The following LANCL3 variants were observed in gnomAD, a reference collection of about 807,000 sequenced individuals.
The protein encoded by LANCL3 is LanC like family member 3, also known as lanC-like protein 3.
Under a neutral mutation model 26.5 loss-of-function variants are expected in LANCL3, and 19 were observed. The ratio of observed to expected loss-of-function variants is 0.72; its 90% CI spans 0.50 to 1.05. LANCL3 has a LOEUF of 1.05. Among genes scored for constraint, LANCL3 ranks in the 50% least tolerant of loss-of-function variants. LANCL3 has a pLI of 0.00. For missense variants in LANCL3, 318 were observed against 362.7 expected, an observed-to-expected ratio of 0.88 and a Z score of 1.00; for synonymous variants, 160 against 166.6, an observed-to-expected ratio of 0.96 and a Z score of 0.30.
intron 1 of LANCL3, among the ~76,000 whole-genome samples, chrX:37,633,281 G>C (rs1416638194): frequency 9.1e-6 from 1 of 110,487 alleles, no homozygotes; most frequent in Non-Finnish European, 1.9e-5. Flanking sequence ...TCTTCACTTA[G>C]TTCTCGAGCC....
At chrX:37,594,623 G>A (rs1347305492) in intron 1 of LANCL3, among the ~76,000 whole-genome samples, 1 of 112,098 alleles carries the variant, frequency 8.9e-6, no homozygotes, top group Non-Finnish European at 1.9e-5. Context: ...CCTTGGGCTG[G>A]TAGTATCATT....
At chrX:37,655,612 C>A in intron 1 of LANCL3, 76 bp from the exon 2 acceptor site, 1 of 932,917 alleles carries the variant, frequency 1.1e-6, no homozygotes, top group Non-Finnish European at 1.5e-6. Flanking sequence ...TGCTAGACTT[C>A]TTAAGCAAGA....
chrX:37,650,495 T>C (rs1380541151), intron 1 of LANCL3, among the ~76,000 whole-genome samples: 3 of 102,617 alleles, frequency 2.9e-5, no homozygotes, highest in Non-Finnish European at 5.9e-5. Flanking sequence ...TTTATATTCA[T>C]ATCTATTCTA....
At chrX:37,656,259 AAG>A (rs1491029783) in intron 2 of LANCL3, among the ~76,000 whole-genome samples, 3 of 110,805 alleles carry the variant, frequency 2.7e-5, no homozygotes, top group African/African-American at 9.9e-5. Context: ...AAAAAAAAAA[AAG>A]GGAAATTAGT....
intron 1 of LANCL3, among the ~76,000 whole-genome samples, chrX:37,575,461 T>C (rs1243712826): frequency 8.9e-6 from 1 of 111,813 alleles, no homozygotes; most frequent in African/African-American, 3.3e-5. Flanking sequence ...TGTTTGCAAA[T>C]ATCACTCAAT....
At chrX:37,590,022 G>A (rs1324571482) in intron 1 of LANCL3, among the ~76,000 whole-genome samples, 1 of 112,671 alleles carries the variant, frequency 8.9e-6, no homozygotes, top group Non-Finnish European at 1.9e-5. Flanking sequence ...TTTAAAAACT[G>A]TAGGATCTTT....
chrX:37,669,103 T>C (rs1395853488), intron 4 of LANCL3, among the ~76,000 whole-genome samples: 3 of 112,528 alleles, frequency 2.7e-5, no homozygotes, highest in Admixed American at 9.4e-5. Flanking sequence ...TAAATGTATG[T>C]TCACATAAAT....
intron 1 of LANCL3, among the ~76,000 whole-genome samples, chrX:37,618,009 G>T (rs1036443782): frequency 8.9e-6 from 1 of 111,981 alleles, no homozygotes; most frequent in African/African-American, 3.3e-5. Flanking sequence ...GAGCCAGCCT[G>T]CTCTGTCTCT....
intron 1 of LANCL3, among the ~76,000 whole-genome samples, chrX:37,634,956 T>C (rs1925665250): frequency 9.1e-6 from 1 of 109,883 alleles, no homozygotes; most frequent in Non-Finnish European, 1.9e-5. Context: ...TGGAATTATA[T>C]ACAAAAATTA....
intron 1 of LANCL3, among the ~76,000 whole-genome samples, chrX:37,629,698 A>C (rs1331046342): frequency 4.5e-5 from 5 of 110,744 alleles, no homozygotes; most frequent in Admixed American, 2.9e-4. Flanking sequence ...CCATTTATTA[A>C]ATAGGGAATC....
intron 1 of LANCL3, among the ~76,000 whole-genome samples, chrX:37,632,065 C>A (rs1218939133): frequency 6.2e-4 from 69 of 110,869 alleles, no homozygotes; most frequent in Non-Finnish European, 1.1e-3. Context: ...TTAAAGTCTC[C>A]CATTATTATT....
In LANCL3 at chrX:37,595,759, T is replaced by A. The variant is rs189473262; in HGVS notation, c.573+23316T>A. On this transcript the variant is annotated intron_variant, in intron 1 of 4. Coordinates refer to ENST00000378619, the MANE Select transcript of LANCL3 (RefSeq NM_001170331.2). ...CATGCAGGTGATAAAATTTCATATATATTTCTGGACCCTTATCTCCTTATG... is the reference window on the plus strand; with the variant it reads ...CATGCAGGTGATAAAATTTCATATAAATTTCTGGACCCTTATCTCCTTATG... 5.3e-5 allele frequency among the ~76,000 whole-genome samples: 6 copies of A among 112,257 alleles called. No individual in the cohort carries two copies. In the East Asian group the frequency reaches 1.7e-3, roughly 31 times the overall value.
intron 2 of LANCL3, among the ~76,000 whole-genome samples, chrX:37,656,491 T>C (rs1247491870): frequency 8.9e-6 from 1 of 111,993 alleles, no homozygotes; most frequent in East Asian, 2.8e-4. Flanking sequence ...TATCTATCTG[T>C]AATAATTATA....
chrX:37,623,725 T>A (rs1412411515), intron 1 of LANCL3, among the ~76,000 whole-genome samples: 6 of 111,779 alleles, frequency 5.4e-5, no homozygotes, highest in Admixed American at 2.9e-4. Context: ...AAAGAGTATA[T>A]AAAATGAGAG....
intron 1 of LANCL3, among the ~76,000 whole-genome samples, chrX:37,596,715 A>G: frequency 8.9e-6 from 1 of 112,022 alleles, no homozygotes; most frequent in Non-Finnish European, 1.9e-5. Context: ...CCTACTTGTT[A>G]TATGTTGTGC....
intron 3 of LANCL3, among the ~76,000 whole-genome samples, chrX:37,662,220 G>T (rs1473083092): frequency 4.5e-5 from 5 of 112,128 alleles, no homozygotes; most frequent in African/African-American, 1.6e-4. Flanking sequence ...ATTACAGGAA[G>T]ATTAATGTGA....
chrX:37,626,963 A>G (rs1925331335), intron 1 of LANCL3, among the ~76,000 whole-genome samples: 1 of 111,945 alleles, frequency 8.9e-6, no homozygotes, highest in African/African-American at 3.2e-5. Context: ...TATTATGGGA[A>G]GGCTGTGTTG....
intron 1 of LANCL3, among the ~76,000 whole-genome samples, chrX:37,625,801 T>G (rs1925299005): frequency 9.0e-6 from 1 of 111,450 alleles, no homozygotes; most frequent in Non-Finnish European, 1.9e-5. Context: ...ACAGAGGTGT[T>G]GTACTAGTCA....
intron 1 of LANCL3, among the ~76,000 whole-genome samples, chrX:37,613,352 T>A (rs1924930227): frequency 9.0e-6 from 1 of 111,272 alleles, no homozygotes; most frequent in Admixed American, 9.6e-5. Flanking sequence ...CTAATAAATA[T>A]TTATTGGATG....
Sources: gnomAD v4.1 joint callset for allele counts (sites outside exome capture counted in the v4.1 genomes callset) on GRCh38, gnomAD v4.1.1 for gene constraint, MANE v1.5 for transcripts, NCBI Gene and HGNC (gene_info 2026-07-23, HGNC 2026-07-21) for gene names.